ST6GALNAC6: variants seen among roughly 807,000 people sequenced by gnomAD.
ST6GALNAC6 encodes the protein alpha-N-acetylgalactosaminide alpha-2,6-sialyltransferase 6.
In ST6GALNAC6, 19 loss-of-function variants were observed where a neutral mutation model predicts 34.3. That is an observed-to-expected ratio of 0.55 (90% CI 0.39 to 0.81). The LOEUF is 0.81. ST6GALNAC6 is among the 40% of genes least tolerant of loss of function. ST6GALNAC6 has a pLI of 0.00. For synonymous variants in ST6GALNAC6, 185 were observed against 182.1 expected (o/e 1.02, Z -0.13); for missense variants, 377 against 467.7 (o/e 0.81, Z 1.79).
intron 4 of ST6GALNAC6, among the ~76,000 whole-genome samples, chr9:127,892,328 G>A (rs1029652600): frequency 1.6e-4 from 25 of 152,272 alleles, no homozygotes; most frequent in African/African-American, 3.1e-4. Context: ...GATAACAGCC[G>A]CTTCCCAAAA....
At chr9:127,905,818 A>C (rs1278359677), upstream of ST6GALNAC6, 1 of 477,224 alleles carries the variant, frequency 2.1e-6, no homozygotes, top group African/African-American at 2.1e-5. Flanking sequence ...CTAATCTGCC[A>C]AGACCACTAC....
chr9:127,888,578 G>A (rs896405822), intron 5 of ST6GALNAC6, among the ~76,000 whole-genome samples: 10 of 151,614 alleles, frequency 6.6e-5, no homozygotes, highest in Non-Finnish European at 1.2e-4. Context: ...GGAGGCCAAG[G>A]CGGGCAGATC....
rs1829750139 is a variant in ST6GALNAC6, at chr9:127,886,342, C to G, written c.*257G>C. The G allele has an allele frequency of 5.5e-6, 6 of 1,087,732 alleles. No homozygotes were observed. In the African/African-American group the frequency reaches 9.6e-5, roughly 17 times the overall value. The allele number at this position is 1,087,732 out of a possible 1,614,324, so 67.4% of individuals were successfully genotyped here. The stretch of plus-strand genomic sequence containing the variant: ...TCAGATTGACTCAGAAATACCCCCT[C>G]TACCCTGATTGACTGTGCGCAGACC... On this transcript the variant is annotated 3_prime_UTR_variant, in exon 7 of 7. Coordinates refer to ENST00000373146, the MANE Select transcript of ST6GALNAC6 (RefSeq NM_013443.5).
intron 4 of ST6GALNAC6, among the ~76,000 whole-genome samples, chr9:127,893,636 A>T (rs536987070): frequency 2.1e-4 from 32 of 152,328 alleles, no homozygotes; most frequent in African/African-American, 7.7e-4. Context: ...TGCTGGAAGC[A>T]CTGCAAGCCA....
chr9:127,890,553 T>C lies in ST6GALNAC6; in HGVS notation c.704+84A>G, dbSNP rs1325420146. The C allele has an allele frequency of 3.0e-5, 47 of 1,588,280 alleles. No homozygotes were observed. The highest frequency in any genetic ancestry group is 4.0e-5 in the Non-Finnish European group (46 of 1,164,194). ...CTTGACTACCCCTCAGAGCAGTGCA[T>C]GCTGGGAGCAACAGGCCCTCTGGAT... is the stretch of plus-strand genomic sequence containing the variant. On this transcript the variant is annotated intron_variant, in intron 5 of 6. Transcript: ENST00000373146. The surrounding 1 kb of genome is among the most constrained non-coding windows in gnomAD (Gnocchi z 4.3).
chr9:127,898,111 T>C (rs1016775491), intron 1 of ST6GALNAC6, 101 bp from the exon 2 acceptor site: 12 of 705,940 alleles, frequency 1.7e-5, no homozygotes, highest in South Asian at 1.6e-4. Flanking sequence ...TGCTCCCACA[T>C]TGGCCGGGCG....
chr9:127,893,278 T>C (rs923036534), intron 4 of ST6GALNAC6, among the ~76,000 whole-genome samples: 1 of 152,160 alleles, frequency 6.6e-6, no homozygotes, highest in Non-Finnish European at 1.5e-5. Flanking sequence ...TCACAAAGTC[T>C]ATGTGACCAC....
At chr9:127,889,820 T>C (rs992412078) in intron 5 of ST6GALNAC6, among the ~76,000 whole-genome samples, 1 of 152,234 alleles carries the variant, frequency 6.6e-6, no homozygotes, top group African/African-American at 2.4e-5. Flanking sequence ...ATGCCATTTA[T>C]AATAGCTCCA....
In ST6GALNAC6 at chr9:127,885,784, C is replaced by T. The variant is rs957620129; in HGVS notation, c.*815G>A. On this transcript the variant is annotated 3_prime_UTR_variant, in exon 7 of 7. Coordinates refer to ENST00000373146, the MANE Select transcript of ST6GALNAC6 (RefSeq NM_013443.5). ...AAGAAAACAGCTTAAGGTTTTGTCC[C>T]GTTTCCTTCAGAGTCCCCCAACCCT... is the stretch of plus-strand genomic sequence containing the variant. 1 of 152,176 alleles carries T rather than the reference C, an allele frequency of 6.6e-6. No individual in the cohort carries two copies. The highest frequency in any genetic ancestry group is 2.4e-5 in the African/African-American group (1 of 41,434). The allele number at this position is 152,176 out of a possible 1,614,324, so 9.4% of individuals were successfully genotyped here. A position where few individuals can be genotyped will look rare whatever the true frequency, so the allele number is the denominator to read the frequency against.
chr9:127,892,739 TTGTAAAAC>T (rs1479253415), intron 4 of ST6GALNAC6, among the ~76,000 whole-genome samples: 1 of 152,208 alleles, frequency 6.6e-6, no homozygotes, highest in Non-Finnish European at 1.5e-5. Flanking sequence ...AACATCATTA[TTGTAAAAC>T]CTGAGTGTCT....
exon 1 of ST6GALNAC6, chr9:127,905,325 G>T (rs1289366894): frequency 1.0e-6 from 1 of 985,454 alleles, no homozygotes; most frequent in Non-Finnish European, 1.2e-6. Context: ...ATCTCCATCT[G>T]CCTGGAGGAA....
chr9:127,895,144 T>G (rs1273478402), intron 3 of ST6GALNAC6, among the ~76,000 whole-genome samples: 2 of 152,234 alleles, frequency 1.3e-5, no homozygotes. Context: ...TTATCCTTTT[T>G]GTCTGCTCTG....
chr9:127,896,191 A>G (rs1215802584), intron 3 of ST6GALNAC6, 51 bp downstream of exon 3: 11 of 1,596,642 alleles, frequency 6.9e-6, no homozygotes, highest in Non-Finnish European at 9.4e-6. Flanking sequence ...AACCCGTTCC[A>G]TGGAGGGAAG....
In ST6GALNAC6 at chr9:127,886,468, C is replaced by G. The variant is rs769833346; in HGVS notation, c.*131G>C. On this transcript the variant is annotated 3_prime_UTR_variant, in exon 7 of 7. Coordinates refer to ENST00000373146, the MANE Select transcript of ST6GALNAC6 (RefSeq NM_013443.5). ...GCCCTGATTGGCTGGAGGATACATC[C>G]TCCTCAAGGCCCTGATTGGCTGGGA... 2 of 1,460,728 alleles carry G rather than the reference C, an allele frequency of 1.4e-6. No individual in the cohort carries two copies. Among genetic ancestry groups the G allele is most frequent in the Admixed American group, 5.4e-5 (2 of 36,948 alleles). 90.5% of individuals were successfully genotyped at this position (1,460,728 alleles called of 1,614,324 possible).
At chr9:127,901,341 A>C (rs571898473), upstream of ST6GALNAC6, among the ~76,000 whole-genome samples, 3 of 152,332 alleles carry the variant, frequency 2.0e-5, no homozygotes, top group South Asian at 4.1e-4. Context: ...CTGTAATCCC[A>C]GCACTTTGGG....
upstream of ST6GALNAC6, chr9:127,906,083 G>A (rs895897974): frequency 2.3e-5 from 22 of 958,462 alleles, no homozygotes; most frequent in South Asian, 4.8e-5. Flanking sequence ...GGAGGAAGCC[G>A]GGCACAAAAG....
chr9:127,896,682 T>C (rs759347655), intron 2 of ST6GALNAC6, among the ~76,000 whole-genome samples: 1 of 152,204 alleles, frequency 6.6e-6, no homozygotes, highest in Non-Finnish European at 1.5e-5. Flanking sequence ...TGGGTCCCTG[T>C]GGTGTCAGAA....
At position 127,886,749 on chromosome 9, in the gene ST6GALNAC6, G is replaced by A. The variant is rs373952945; in HGVS notation, c.852C>T (p.Tyr284=). 2.5e-5 allele frequency: 40 copies of A among 1,612,618 alleles called. No individual in the cohort carries two copies. The African/African-American group carries it at 3.5e-4, about 14-fold the overall frequency. ...PRLQRMPYHY[Y]EPKGPDECVT... is the part of the protein sequence containing the mutation. ...CACATTCGTCCGGCCCCTTGGGCTC[G>A]TAGTAGTGGTAGGGCATGCGCTGGA... The change falls in exon 7 of 7, where the codon TAC becomes TAT. Residue 284 remains tyrosine (Y), a synonymous_variant. Transcript: ENST00000373146.
chr9:127,905,208 T>G, exon 1 of ST6GALNAC6: 1 of 985,544 alleles, frequency 1.0e-6, no homozygotes, highest in Non-Finnish European at 1.2e-6. Flanking sequence ...TGGGCTCACC[T>G]CAAGGAAGCT....
Sources: gnomAD v4.1 joint callset for allele counts (sites outside exome capture counted in the v4.1 genomes callset) on GRCh38, gnomAD v4.1.1 for gene constraint, Gnocchi (gnomAD v3.1) non-coding constraint, MANE v1.5 for transcripts, NCBI Gene and HGNC (gene_info 2026-07-23, HGNC 2026-07-21) for gene names.